Variants in PLD1 observed in about 807,000 individuals in gnomAD.
PLD1 encodes the protein phospholipase D1.
Under a neutral mutation model 137.1 loss-of-function variants are expected in PLD1, and 112 were observed. The observed-to-expected ratio is 0.82, with a 90% confidence interval of 0.70 to 0.96. PLD1 has a LOEUF of 0.96. Among genes scored for constraint, PLD1 ranks in the 40% least tolerant of loss-of-function variants. PLD1 has a pLI of 0.00. For synonymous variants in PLD1, 431 were observed against 454.7 expected, an observed-to-expected ratio of 0.95 and a Z score of 0.66; for missense variants, 1,321 against 1,342.0, an observed-to-expected ratio of 0.98 and a Z score of 0.24.
At chr3:171,711,167 CTTT>C (rs562934959) in intron 9 of PLD1, among the ~76,000 whole-genome samples, 20,902 of 93,518 alleles carry the variant, frequency 0.22, 1,800 homozygotes, top group African/African-American at 0.27. Flanking sequence ...CTGTGCCAGC[CTTT>C]TTTTTTTTTT....
chr3:171,682,164 GAA>G (rs71750287), intron 16 of PLD1, among the ~76,000 whole-genome samples: 981 of 28,610 alleles, frequency 0.034, 39 homozygotes, highest in African/African-American at 0.066. Flanking sequence ...AAGAAAGAAA[GAA>G]AAAGAAAGAA....
chr3:171,617,494 T>A (rs908166611), intron 24 of PLD1, among the ~76,000 whole-genome samples: 1 of 151,832 alleles, frequency 6.6e-6, no homozygotes, highest in African/African-American at 2.4e-5. Context: ...TTTACTCACG[T>A]TTCGCATCTC....
intron 1 of PLD1, among the ~76,000 whole-genome samples, chr3:171,746,132 T>A (rs1720152399): frequency 6.6e-6 from 1 of 152,164 alleles, no homozygotes; most frequent in African/African-American, 2.4e-5. Context: ...GGGCAGAGCT[T>A]GGGACCTGCA....
chr3:171,712,861 A>T (rs1330246903), intron 9 of PLD1, among the ~76,000 whole-genome samples: 1 of 152,202 alleles, frequency 6.6e-6, no homozygotes, highest in Admixed American at 6.5e-5. Flanking sequence ...TTCCAGTCAC[A>T]ATCTTAAATG....
chr3:171,746,853 T>G (rs1720228955), intron 1 of PLD1, among the ~76,000 whole-genome samples: 1 of 152,234 alleles, frequency 6.6e-6, no homozygotes, highest in African/African-American at 2.4e-5. Context: ...AAGACAGCAC[T>G]GGCAACCAGC....
At chr3:171,700,315 A>AACAC (rs573424146) in intron 11 of PLD1, among the ~76,000 whole-genome samples, 41 of 126,936 alleles carry the variant, frequency 3.2e-4, no homozygotes, top group Middle Eastern at 4.4e-3. Flanking sequence ...CACACACACA[A>AACAC]ACACACACAC....
Position 171,688,710 on chromosome 3 carries a change from C to T in PLD1, c.1505G>A (p.Arg502Gln), listed in dbSNP as rs371828917. 3 of 1,613,984 alleles carry T rather than the reference C, an allele frequency of 1.9e-6. No homozygotes were observed. The highest frequency in any genetic ancestry group is 2.5e-6 in the Non-Finnish European group (3 of 1,179,992). The part of the protein sequence containing the change: ...HRLTDVGSVK[R>Q]VTSGPSLGSL... ...ACCCAGAGACGGTCCTGAAGTGACC[C>T]GCTTCACACTGCCCACGTCTGTGAG... is the stretch of plus-strand genomic sequence containing the variant. Residue 502 changes from arginine to glutamine, a missense_variant, in exon 14 of 27, where the codon CGG (arginine) becomes CAG (glutamine). By Grantham distance (43) the Arg-to-Gln change is conservative. Coordinates refer to ENST00000351298, the MANE Select transcript of PLD1 (RefSeq NM_002662.5).
chr3:171,600,872 A>C lies in PLD1; in HGVS notation c.*2206T>G, dbSNP rs1204650480. On this transcript the variant is annotated 3_prime_UTR_variant, in exon 27 of 27. Transcript: ENST00000351298. ...CCTTCACCTTGTTTATTAATTCTAC[A>C]AGCATTTATTGCCATCTCCTATGTG... 1 of 152,214 alleles carries C rather than the reference A, an allele frequency of 6.6e-6. No homozygotes were observed. The highest frequency in any genetic ancestry group is 1.9e-4 in the East Asian group (1 of 5,202). The allele number at this position is 152,214 out of a possible 1,614,324, so 9.4% of individuals were successfully genotyped here. A position where few individuals can be genotyped will look rare whatever the true frequency, so the allele number is the denominator to read the frequency against.
At chr3:171,743,339 T>G (rs1455906168) in intron 1 of PLD1, among the ~76,000 whole-genome samples, 2 of 152,354 alleles carry the variant, frequency 1.3e-5, no homozygotes, top group East Asian at 3.9e-4. Flanking sequence ...TCTTTCTGGC[T>G]GGGCTACTCT....
At chr3:171,809,181 T>G (rs1487741345) in intron 1 of PLD1, 1 of 152,230 alleles carries the variant, frequency 6.6e-6, no homozygotes, top group African/African-American at 2.4e-5. Flanking sequence ...GAAGCCAGAC[T>G]GAGCGCTTAT....
intron 25 of PLD1, among the ~76,000 whole-genome samples, chr3:171,610,297 C>T (rs1732550244): frequency 6.6e-6 from 1 of 152,048 alleles, no homozygotes; most frequent in Non-Finnish European, 1.5e-5. Context: ...TAGAAGAATA[C>T]TCGATGACAT....
intron 23 of PLD1, among the ~76,000 whole-genome samples, chr3:171,628,975 C>T (rs1403863087): frequency 6.8e-6 from 1 of 147,440 alleles, no homozygotes; most frequent in Non-Finnish European, 1.5e-5. Flanking sequence ...CCTCTCTCAC[C>T]ACTCCTATTC....
chr3:171,787,269 C>T (rs563643700), intron 1 of PLD1, among the ~76,000 whole-genome samples: 4 of 152,270 alleles, frequency 2.6e-5, no homozygotes, highest in Non-Finnish European at 4.4e-5. Flanking sequence ...CTGTATGGTA[C>T]ATTAGGTGTC....
intron 1 of PLD1, chr3:171,771,423 G>C (rs1365796950): frequency 2.0e-5 from 3 of 152,272 alleles, no homozygotes; most frequent in Admixed American, 1.3e-4. Context: ...ATAAGCTTTA[G>C]TAATGAACTT....
At position 171,687,405 on chromosome 3, in the gene PLD1, G is replaced by A. The variant is rs377021980; in HGVS notation, c.1719C>T (p.Asp573=). Residue 573 remains aspartate, a synonymous_variant, in exon 15 of 27, where the codon GAC becomes GAT. Transcript: ENST00000351298. ...TGTCAATGCTGCTGATGCTATCTGC[G>A]TCGTGCAGGTGGTGCCTGTGGAGCT... is the stretch of plus-strand genomic sequence containing the variant. ...YKQLHRHHLH[D]ADSISSIDST... is the part of the protein sequence containing the mutation. 7.4e-6 allele frequency: 12 copies of A among 1,614,022 alleles called. No individual in the cohort carries two copies. The highest frequency in any genetic ancestry group is 6.7e-5 in the East Asian group (3 of 44,884).
In PLD1 at chr3:171,612,279, C is replaced by T; in HGVS notation, c.2882G>A (p.Arg961Lys). The T allele has an allele frequency of 6.2e-7, 1 of 1,613,924 alleles. No homozygotes were observed. Among genetic ancestry groups the T allele is most frequent in the Non-Finnish European group, 8.5e-7 (1 of 1,179,844 alleles). Reference protein sequence around the residue: ...FARGLRLQCFRVVLGYLDDPS... With the variant: ...FARGLRLQCFKVVLGYLDDPS... ...GAGAGACACACTTTGGCGGACTGAC[C>T]TAAAGCACTGTAGCCGAAGTCCTCG... The change falls in exon 25 of 27, where the codon AGG becomes AAG. Residue 961 changes from arginine to lysine, a missense_variant and splice_region_variant. Coordinates refer to ENST00000351298, the MANE Select transcript of PLD1 (RefSeq NM_002662.5). This position sits in a 1 kb window ranked among gnomAD's most constrained non-coding sequence, Gnocchi z 4.1.
Position 171,734,904 on chromosome 3 carries a change from A to C in PLD1, c.501T>G (p.Ser167=). 2 of 1,613,008 alleles carry C rather than the reference A, an allele frequency of 1.2e-6. No individual in the cohort carries two copies. The highest frequency in any genetic ancestry group is 2.2e-5 in the South Asian group (2 of 91,064). ...ATTGTTCTTCTCTTATCATGTTTTC[A>C]GATGAACGGGGCAAACTGGGCATCT... is the stretch of plus-strand genomic sequence containing the variant. ...PREMPSLPRS[S]ENMIREEQFL... is the part of the protein sequence containing the mutation. The change falls in exon 5 of 27, where the codon TCT becomes TCG. Residue 167 remains serine, a synonymous_variant. Coordinates refer to ENST00000351298, the MANE Select transcript of PLD1 (RefSeq NM_002662.5).
chr3:171,671,086 G>A (rs1366991727), intron 19 of PLD1, among the ~76,000 whole-genome samples: 1 of 152,176 alleles, frequency 6.6e-6, no homozygotes, highest in Non-Finnish European at 1.5e-5. Flanking sequence ...AGGGGTAATG[G>A]CATGCTGAGG....
At chr3:171,710,869 G>GTTTTTTTTTTTTTTTTTTTTTTTTT (rs1281179100) in intron 9 of PLD1, among the ~76,000 whole-genome samples, 1 of 98,684 alleles carries the variant, frequency 1.0e-5, no homozygotes, top group Non-Finnish European at 1.9e-5. Context: ...TAGGAAAACT[G>GTTTTTTTTTTTTTTTTTTTTTTTTT]TTCTTTTTTT....
Sources: allele counts gnomAD v4.1 joint callset (sites outside exome capture counted in the v4.1 genomes callset), GRCh38; gene constraint gnomAD v4.1.1; non-coding constraint Gnocchi (gnomAD v3.1); transcripts MANE v1.5; gene names NCBI Gene and HGNC (gene_info 2026-07-23, HGNC 2026-07-21).